The following GRID1 variants were observed in gnomAD, a reference collection of about 807,000 sequenced individuals.
GRID1 encodes the protein glutamate receptor ionotropic, delta-1.
A neutral mutation model predicts 98.0 loss-of-function variants in GRID1; 28 were observed. That is an observed-to-expected ratio of 0.29 (90% CI 0.21 to 0.39). The LOEUF is 0.39. GRID1 is among the 10% of genes least tolerant of loss of function. The pLI is 1.00. For synonymous variants in GRID1, 553 were observed against 538.5 expected, an observed-to-expected ratio of 1.03 and a Z score of -0.37; for missense variants, 1,111 against 1,340.5, an observed-to-expected ratio of 0.83 and a Z score of 2.67.
At chr10:86,050,304 TA>T (rs1843483759) in intron 4 of GRID1, among the ~76,000 whole-genome samples, 1 of 152,240 alleles carries the variant, frequency 6.6e-6, no homozygotes, top group Non-Finnish European at 1.5e-5. Context: ...TTGTAAGAAG[TA>T]TGTGTGTGTA....
chr10:85,647,232 G>A lies in GRID1; in HGVS notation c.2163C>T (p.Cys721=), dbSNP rs374077562. Residue 721 remains cysteine, a synonymous_variant, in exon 13 of 16, where the codon TGC becomes TGT. Coordinates refer to ENST00000327946, the MANE Select transcript of GRID1 (RefSeq NM_017551.3). ...TISKNGGADN[C]VSSPSEGIRK... is the part of the protein sequence containing the mutation. Reference sequence around the variant, plus strand: ...TGATGCCTTCTGAAGGACTGGACACGCAGTTGTCAGCCCCTCCGTTCTTGC... The same window carrying A: ...TGATGCCTTCTGAAGGACTGGACACACAGTTGTCAGCCCCTCCGTTCTTGC... 107 of 1,614,172 alleles carry A rather than the reference G, an allele frequency of 6.6e-5. No individual in the cohort carries two copies. The highest frequency in any genetic ancestry group is 2.5e-4 in the East Asian group (11 of 44,882).
rs866143134 is a variant in GRID1, at chr10:86,134,877, C to G, written c.726+3942G>C. On this transcript the variant is annotated intron_variant, in intron 4 of 15. Transcript: ENST00000327946. The stretch of plus-strand genomic sequence containing the variant: ...CGTGCTCTTACAAGACTTGGCCACA[C>G]CTCTGCCATTACAGGTAAAAGGGTC... Among the ~76,000 whole-genome samples the G allele has an allele frequency of 3.9e-5, 6 of 152,314 alleles. No individual in the cohort carries two copies. The Middle Eastern group carries it at 0.014, about 345-fold the overall frequency.
chr10:85,694,598 ATAT>A (rs1841372833), intron 12 of GRID1, among the ~76,000 whole-genome samples: 3 of 98,380 alleles, frequency 3.0e-5, no homozygotes, highest in African/African-American at 7.6e-5. Context: ...ATATATATAT[ATAT>A]AATGGAATAT....
At chr10:86,025,335 CA>C (rs964462617) in intron 4 of GRID1, among the ~76,000 whole-genome samples, 2 of 152,190 alleles carry the variant, frequency 1.3e-5, no homozygotes, top group African/African-American at 4.8e-5. Flanking sequence ...GTCCTGCTAT[CA>C]AAACTATGCA....
intron 2 of GRID1, among the ~76,000 whole-genome samples, chr10:86,327,376 C>G (rs1418307453): frequency 6.6e-6 from 1 of 152,144 alleles, no homozygotes; most frequent in African/African-American, 2.4e-5. Flanking sequence ...TGCCCACTGC[C>G]AGAGACCCCA....
rs368953070 is a variant in GRID1 at position 86,003,766 on chromosome 10, T to C, written c.727-87527A>G. On this transcript the variant is annotated intron_variant, in intron 4 of 15. Transcript: ENST00000327946. ...GCACATTATAAGGAGACACCACTTA[T>C]ACCCATCTTACAGGCAGAGATTTTA... 2.9e-4 allele frequency among the ~76,000 whole-genome samples: 44 copies of C among 152,378 alleles called. No homozygotes were observed. In the East Asian group the frequency reaches 6.0e-3, roughly 21 times the overall value.
At chr10:86,173,664 T>C (rs895707525) in intron 3 of GRID1, among the ~76,000 whole-genome samples, 1 of 151,786 alleles carries the variant, frequency 6.6e-6, no homozygotes, top group South Asian at 2.1e-4. Flanking sequence ...CATGCTGGTG[T>C]GCTGCACCCA....
At chr10:86,350,470 C>T (rs1212831848) in intron 2 of GRID1, among the ~76,000 whole-genome samples, 4 of 152,110 alleles carry the variant, frequency 2.6e-5, no homozygotes, top group Non-Finnish European at 4.4e-5. Context: ...AAGCCAGGTG[C>T]GTAGTGGGAG....
At chr10:86,132,956 C>T (rs997884340) in intron 4 of GRID1, among the ~76,000 whole-genome samples, 2 of 152,234 alleles carry the variant, frequency 1.3e-5, no homozygotes, top group African/African-American at 2.4e-5. Context: ...AAAGTGACAT[C>T]TTGTACCAGA....
At chr10:86,015,793 C>T (rs1167559672) in intron 4 of GRID1, among the ~76,000 whole-genome samples, 2 of 152,182 alleles carry the variant, frequency 1.3e-5, no homozygotes, top group African/African-American at 2.4e-5. Flanking sequence ...CGGACTTCAT[C>T]GTTGCAATCT....
intron 2 of GRID1, among the ~76,000 whole-genome samples, chr10:86,344,044 C>A (rs1848348000): frequency 6.6e-6 from 1 of 152,238 alleles, no homozygotes; most frequent in South Asian, 2.1e-4. Flanking sequence ...TTGGCACCAC[C>A]CAGGAAGCTC....
At chr10:85,947,460 G>C (rs370074252) in intron 4 of GRID1, among the ~76,000 whole-genome samples, 2 of 152,330 alleles carry the variant, frequency 1.3e-5, no homozygotes, top group Admixed American at 1.3e-4. Flanking sequence ...TGTAGAGCAC[G>C]TATGAGCAAG....
intron 4 of GRID1, among the ~76,000 whole-genome samples, chr10:86,044,657 C>G (rs1220445172): frequency 6.6e-6 from 1 of 152,204 alleles, no homozygotes; most frequent in African/African-American, 2.4e-5. Flanking sequence ...CCCATGGAAT[C>G]CCCAACTCTT....
intron 13 of GRID1, among the ~76,000 whole-genome samples, chr10:85,641,562 G>A (rs552594268): frequency 6.6e-6 from 1 of 152,302 alleles, no homozygotes; most frequent in South Asian, 2.1e-4. Flanking sequence ...GTGGAATGAG[G>A]TTTTGGTGAC....
chr10:85,966,645 C>A (rs890656236), intron 4 of GRID1, among the ~76,000 whole-genome samples: 24 of 152,156 alleles, frequency 1.6e-4, no homozygotes, highest in African/African-American at 5.5e-4. Context: ...AAAACCCTAG[C>A]TCTACTAAAA....
At chr10:85,763,417 G>A (rs907783658) in intron 8 of GRID1, among the ~76,000 whole-genome samples, 9 of 152,168 alleles carry the variant, frequency 5.9e-5, no homozygotes, top group African/African-American at 1.9e-4. Flanking sequence ...GCACACTGAT[G>A]TCTGACACTC....
chr10:86,221,898 TCTCCTC>T (rs56750241), intron 2 of GRID1, among the ~76,000 whole-genome samples: 1 of 149,906 alleles, frequency 6.7e-6, no homozygotes, highest in Non-Finnish European at 1.5e-5. Context: ...TCCTCCTCCT[TCTCCTC>T]CTCCTCCTCC....
At chr10:86,262,203 G>T (rs868425608) in intron 2 of GRID1, among the ~76,000 whole-genome samples, 1 of 152,216 alleles carries the variant, frequency 6.6e-6, no homozygotes, top group Non-Finnish European at 1.5e-5. Flanking sequence ...GCAGCCTCTC[G>T]GAGCTCTGCT....
rs189218623 is a variant in GRID1 at position 85,606,340 on chromosome 10, A to G, written c.2602-3639T>C. On this transcript the variant is annotated intron_variant, in intron 15 of 15. Coordinates refer to ENST00000327946, the MANE Select transcript of GRID1 (RefSeq NM_017551.3). ...CAGGGGGTTTCCTTCCCAACTGCTT[A>G]TTAAGAAATCCATCCTCTTCACATC... The G allele has an allele frequency of 5.3e-5, 8 of 152,318 alleles. No homozygotes were observed. The East Asian group carries it at 1.5e-3, about 29-fold the overall frequency. The allele number at this position is 152,318 out of a possible 1,614,324, so 9.4% of individuals were successfully genotyped here.
Sources: allele counts gnomAD v4.1 joint callset (sites outside exome capture counted in the v4.1 genomes callset), GRCh38; gene constraint gnomAD v4.1.1; transcripts MANE v1.5; gene names NCBI Gene and HGNC (gene_info 2026-07-23, HGNC 2026-07-21).